Variants in HS3ST3B1 observed in about 807,000 individuals in gnomAD.
HS3ST3B1 encodes the protein heparan sulfate-glucosamine 3-sulfotransferase 3B1.
Under a neutral mutation model 21.3 loss-of-function variants are expected in HS3ST3B1, and 13 were observed. The ratio of observed to expected loss-of-function variants is 0.61; its 90% confidence interval spans 0.40 to 0.97. HS3ST3B1 has a LOEUF of 0.97. HS3ST3B1 is among the 50% of genes least tolerant of loss of function. The pLI, the probability that HS3ST3B1 is intolerant of heterozygous loss-of-function variation, is 0.00. For missense variants in HS3ST3B1, 459 were observed against 554.8 expected (o/e 0.83, Z 1.73); for synonymous variants, 234 against 254.8 (o/e 0.92, Z 0.78).
intron 1 of HS3ST3B1, among the ~76,000 whole-genome samples, chr17:14,319,212 C>T (rs989401358): frequency 5.3e-5 from 8 of 152,178 alleles, no homozygotes; most frequent in South Asian, 4.1e-4. Flanking sequence ...ACATTCCCTC[C>T]GTAAACAGTT....
chr17:14,336,255 T>C (rs1231122840), intron 1 of HS3ST3B1, among the ~76,000 whole-genome samples: 1 of 152,186 alleles, frequency 6.6e-6, no homozygotes, highest in Non-Finnish European at 1.5e-5. Context: ...TGAGTTAGGT[T>C]ACGCCCATTT....
At chr17:14,312,604 T>G (rs921335001) in intron 1 of HS3ST3B1, among the ~76,000 whole-genome samples, 1 of 152,164 alleles carries the variant, frequency 6.6e-6, no homozygotes, top group Admixed American at 6.5e-5. Flanking sequence ...CCCAGCACTT[T>G]CCTGCCATCC....
intron 1 of HS3ST3B1, among the ~76,000 whole-genome samples, chr17:14,333,985 C>A (rs1910105788): frequency 6.6e-6 from 1 of 152,164 alleles, no homozygotes; most frequent in African/African-American, 2.4e-5. Flanking sequence ...GTCTTGAACT[C>A]CTAACCTCAA....
At chr17:14,334,664 G>A (rs1198608762) in intron 1 of HS3ST3B1, among the ~76,000 whole-genome samples, 1 of 152,176 alleles carries the variant, frequency 6.6e-6, no homozygotes, top group Non-Finnish European at 1.5e-5. Flanking sequence ...GGGGTTCACT[G>A]GTGGTGTTGC....
chr17:14,348,745 A>G lies in HS3ST3B1; in HGVS notation c.*3099A>G, dbSNP rs1293702971. On this transcript the variant is annotated 3_prime_UTR_variant, in exon 2 of 2. Coordinates refer to ENST00000360954, the MANE Select transcript of HS3ST3B1 (RefSeq NM_006041.3). Reference sequence around the variant, plus strand: ...GTTTTGTTTCTTTTCTCATGTAAAAACAAACAAAAAGGTCAACAAAAAAAA... The same window carrying G: ...GTTTTGTTTCTTTTCTCATGTAAAAGCAAACAAAAAGGTCAACAAAAAAAA... 6.6e-6 allele frequency: 1 copy of G among 152,122 alleles called. No homozygotes were observed. Among genetic ancestry groups the G allele is most frequent in the East Asian group, 1.9e-4 (1 of 5,200 alleles). The allele number at this position is 152,122 out of a possible 1,614,324, so 9.4% of individuals were successfully genotyped here. A position where few individuals can be genotyped will look rare whatever the true frequency, so the allele number is the denominator to read the frequency against.
chr17:14,333,252 G>A (rs952555510), intron 1 of HS3ST3B1, among the ~76,000 whole-genome samples: 1 of 152,066 alleles, frequency 6.6e-6, no homozygotes, highest in African/African-American at 2.4e-5. Context: ...CGGATCACGA[G>A]GTCAGGAGTT....
At chr17:14,331,917 C>T in intron 1 of HS3ST3B1, among the ~76,000 whole-genome samples, 1 of 152,106 alleles carries the variant, frequency 6.6e-6, no homozygotes, top group South Asian at 2.1e-4. Context: ...AGGGCTGATA[C>T]ACATCTTCTG....
intron 1 of HS3ST3B1, among the ~76,000 whole-genome samples, chr17:14,338,569 A>G (rs373027202): frequency 2.5e-4 from 38 of 151,720 alleles, no homozygotes; most frequent in South Asian, 1.5e-3. Flanking sequence ...CAGCCTCCCA[A>G]GTAGCTGAGA....
At chr17:14,333,843 C>T (rs962653176) in intron 1 of HS3ST3B1, among the ~76,000 whole-genome samples, 10 of 151,880 alleles carry the variant, frequency 6.6e-5, no homozygotes, top group Non-Finnish European at 1.2e-4. Context: ...CTTGGCTCAC[C>T]GCAACCTCTC....
At chr17:14,325,552 A>G (rs1388121889) in intron 1 of HS3ST3B1, among the ~76,000 whole-genome samples, 4 of 152,238 alleles carry the variant, frequency 2.6e-5, no homozygotes, top group Non-Finnish European at 5.9e-5. Context: ...TGCTGTCTAT[A>G]TAATTTAGAA....
At chr17:14,334,505 C>T (rs1910131329) in intron 1 of HS3ST3B1, among the ~76,000 whole-genome samples, 1 of 152,082 alleles carries the variant, frequency 6.6e-6, no homozygotes, top group Non-Finnish European at 1.5e-5. Context: ...GGCGTGCCAG[C>T]ACACCAGGCT....
At chr17:14,311,089 G>GT (rs1909289873) in intron 1 of HS3ST3B1, among the ~76,000 whole-genome samples, 1 of 140,658 alleles carries the variant, frequency 7.1e-6, no homozygotes, top group Admixed American at 7.0e-5. Flanking sequence ...ATCTAACAAG[G>GT]ATTTTTTTTT....
intron 1 of HS3ST3B1, chr17:14,329,353 GAAA>G (rs1193507080): frequency 9.9e-6 from 1 of 100,734 alleles, no homozygotes; most frequent in African/African-American, 4.1e-5. Flanking sequence ...AAGAAAGAAA[GAAA>G]GAAAGAAAGA....
chr17:14,310,778 G>T (rs866720615), intron 1 of HS3ST3B1, among the ~76,000 whole-genome samples: 59 of 152,214 alleles, frequency 3.9e-4, no homozygotes, highest in African/African-American at 1.4e-3. Flanking sequence ...CTTGTCCCTG[G>T]TGCCCTCTTC....
chr17:14,329,476 AAAAG>A (rs563221663), intron 1 of HS3ST3B1: 236 of 151,714 alleles, frequency 1.6e-3, no homozygotes, highest in African/African-American at 4.6e-3. Context: ...GAAAGAAAGA[AAAAG>A]AAAGAAGAAA....
At chr17:14,341,561 A>C (rs1171133519) in intron 1 of HS3ST3B1, among the ~76,000 whole-genome samples, 1 of 151,872 alleles carries the variant, frequency 6.6e-6, no homozygotes, top group Non-Finnish European at 1.5e-5. Flanking sequence ...AGATGAGAAA[A>C]CTGCAGCATG....
At chr17:14,314,996 C>T (rs1909452899) in intron 1 of HS3ST3B1, among the ~76,000 whole-genome samples, 1 of 152,198 alleles carries the variant, frequency 6.6e-6, no homozygotes, top group Admixed American at 6.5e-5. Flanking sequence ...GCTTAGCTGG[C>T]TGCCAATTAA....
chr17:14,321,868 G>A (rs1389686224), intron 1 of HS3ST3B1, among the ~76,000 whole-genome samples: 2 of 152,052 alleles, frequency 1.3e-5, no homozygotes, highest in Middle Eastern at 3.2e-3. Flanking sequence ...CATTAGTGCG[G>A]AAGTGCAAAG....
Position 14,301,621 on chromosome 17 carries a change from CT to C in HS3ST3B1, c.104del (p.Leu35ArgfsTer111). On this transcript the variant is annotated frameshift_variant, in exon 1 of 2. Coordinates refer to ENST00000360954, the MANE Select transcript of HS3ST3B1 (RefSeq NM_006041.3). LOFTEE classifies it high-confidence loss of function. ...GCCGCCGGTGAGGAGGAAGCTCGCG[CT>C]GCTCTTCGCCATGCTCTGCGTCTGG... ...PPPPVRRKLALLFAMLCVWLY... is the reference protein window; with the variant it reads ...PPPPVRRKLAXLFAMLCVWLY... 1 of 1,607,050 alleles carries C rather than the reference CT, an allele frequency of 6.2e-7. No homozygotes were observed. The highest frequency in any genetic ancestry group is 1.3e-5 in the African/African-American group (1 of 74,532).
Sources: allele counts gnomAD v4.1 joint callset (sites outside exome capture counted in the v4.1 genomes callset), GRCh38; gene constraint gnomAD v4.1.1; transcripts MANE v1.5; gene names NCBI Gene and HGNC (gene_info 2026-07-23, HGNC 2026-07-21).